TTN: variants seen among roughly 807,000 people sequenced by gnomAD.
The protein encoded by TTN is titin, also known as connectin.
A neutral mutation model predicts 3,223.0 loss-of-function variants in TTN; 1,525 were observed. The ratio of observed to expected loss-of-function variants is 0.47; its 90% confidence interval spans 0.45 to 0.49. The LOEUF is 0.49. Ranked by LOEUF, TTN falls within the 20% of genes least tolerant of loss-of-function variation. TTN has a pLI of 0.00. For missense variants in TTN, 40,786 were observed against 43,424.0 expected, an observed-to-expected ratio of 0.94 and a Z score of 5.40; for synonymous variants, 14,094 against 15,161.0, an observed-to-expected ratio of 0.93 and a Z score of 5.17.
rs748278337 is a variant in TTN at position 178,605,263 on chromosome 2, G to T, written c.53914C>A (p.Arg17972=). ...GCCTTAACTTTGATAGTGTCTCCTCGAACACTCAGACGCAACTTAATAGTT... is the reference window on the plus strand; with the variant it reads ...GCCTTAACTTTGATAGTGTCTCCTCTAACACTCAGACGCAACTTAATAGTT... ...PPTIKLRLSV[R]GDTIKVKAGE... is the part of the protein sequence containing the mutation. Residue 17972 remains arginine (R), a synonymous_variant, in exon 280 of 363, where the codon CGA becomes AGA. Transcript: ENST00000589042. The T allele has an allele frequency of 1.2e-6, 2 of 1,600,022 alleles. No individual in the cohort carries two copies. Among genetic ancestry groups the T allele is most frequent in the Non-Finnish European group, 1.7e-6 (2 of 1,173,280 alleles).
chr2:178,621,760 C>T lies in TTN; in HGVS notation c.45083-19G>A. The T allele has an allele frequency of 6.2e-7, 1 of 1,608,050 alleles. No homozygotes were observed. The highest frequency in any genetic ancestry group is 8.5e-7 in the Non-Finnish European group (1 of 1,177,798). ...TCTTCTTCTGCAAGCATTGAAAAAACAAAAACCACATTGAGTTAAGCTGGA... is the reference window on the plus strand; with the variant it reads ...TCTTCTTCTGCAAGCATTGAAAAAATAAAAACCACATTGAGTTAAGCTGGA... On this transcript the variant is annotated intron_variant, in intron 244 of 362. Transcript: ENST00000589042.
rs1299099653 is a variant in TTN at position 178,720,647 on chromosome 2, G to C, written c.23115C>G (p.Thr7705=). The part of the protein sequence containing the change: ...ALTVKAPPVF[T]QKPSPVGALK... The stretch of plus-strand genomic sequence containing the variant: ...GAGCTCCTACTGGAGAAGGCTTCTG[G>C]GTGAAAACAGGAGGTGCTACCAGAA... Residue 7705 remains threonine (T), a synonymous_variant, in exon 80 of 363, where the codon ACC becomes ACG. Transcript: ENST00000589042. The C allele has an allele frequency of 1.3e-6, 2 of 1,591,508 alleles. No homozygotes were observed. The highest frequency in any genetic ancestry group is 2.2e-5 in the East Asian group (1 of 44,626).
At chr2:178,697,707 A>G (rs747466596) in intron 112 of TTN, among the ~76,000 whole-genome samples, 2 of 152,160 alleles carry the variant, frequency 1.3e-5, no homozygotes, top group Non-Finnish European at 2.9e-5. Flanking sequence ...AGTTAAAACT[A>G]TTTGTTTAAA....
In TTN at chr2:178,696,081, C is replaced by T; in HGVS notation, c.30991G>A (p.Glu10331Lys). The T allele has an allele frequency of 6.4e-7, 1 of 1,551,232 alleles. No homozygotes were observed. The highest frequency in any genetic ancestry group is 8.7e-7 in the Non-Finnish European group (1 of 1,146,710). ...TCATAATAAGGTTGTTCAAATGGCT[C>T]TGTGTATGGTTCTACCTCCAGTTCG... ...YDELEVEPYT[E>K]PFEQPYYEEP... Residue 10331 changes from glutamate to lysine, a missense_variant, in exon 114 of 363, where the codon GAG becomes AAG. By Grantham distance (56) the Glu-to-Lys change is moderately conservative (BLOSUM62 1). Transcript: ENST00000589042.
intron 34 of TTN, 51 bp from the exon 35 acceptor site, chr2:178,770,726 G>A (rs1290055005): frequency 6.9e-6 from 11 of 1,591,048 alleles, no homozygotes; most frequent in Non-Finnish European, 9.4e-6. Context: ...CATCATCAAG[G>A]AAAAGAAGTC....
At position 178,694,672 on chromosome 2, in the gene TTN, A is replaced by T. The variant is rs1176651732; in HGVS notation, c.31353T>A (p.Pro10451=). Residue 10451 remains proline, a synonymous_variant, in exon 117 of 363, where the codon CCT becomes CCA. Coordinates refer to ENST00000589042, the MANE Select transcript of TTN (RefSeq NM_001267550.2). ...EEEKVQVTKV[P]EVSKKIVPQK... ...GTGGAACAATCTTCTTTGAAACTTCAGGTACTTTAAAAATATGTACAAATA... is the reference window on the plus strand; with the variant it reads ...GTGGAACAATCTTCTTTGAAACTTCTGGTACTTTAAAAATATGTACAAATA... 6.5e-7 allele frequency: 1 copy of T among 1,548,206 alleles called. No homozygotes were observed. Among genetic ancestry groups the T allele is most frequent in the Admixed American group, 2.0e-5 (1 of 50,602 alleles).
Position 178,536,472 on chromosome 2 carries a change from T to A in TTN, c.100275A>T (p.Arg33425Ser). ...TCTCACGCTTCTCAAGGTAGTAATTTCTAATCTTTGCACCTCCATCACTGG... is the reference window on the plus strand; with the variant it reads ...TCTCACGCTTCTCAAGGTAGTAATTACTAATCTTTGCACCTCCATCACTGG... ...PPASDGGAKIRNYYLEKREKK... is the reference protein window; with the variant it reads ...PPASDGGAKISNYYLEKREKK... The change falls in exon 357 of 363, where the codon AGA becomes AGT. Residue 33425 changes from arginine (R) to serine (S), a missense_variant. Transcript: ENST00000589042. The A allele has an allele frequency of 6.3e-7, 1 of 1,594,878 alleles. No individual in the cohort carries two copies. The highest frequency in any genetic ancestry group is 8.5e-7 in the Non-Finnish European group (1 of 1,169,770).
chr2:178,798,381 T>G (rs1040555133), intron 6 of TTN: 1 of 152,164 alleles, frequency 6.6e-6, no homozygotes, highest in African/African-American at 2.4e-5. Context: ...AATTTACACT[T>G]GATTATATAA....
rs749273430 is a variant in TTN, at chr2:178,562,220, G to A, written c.83912C>T (p.Thr27971Ile). 9 of 1,612,508 alleles carry A rather than the reference G, an allele frequency of 5.6e-6. No individual in the cohort carries two copies. The highest frequency in any genetic ancestry group is 2.2e-5 in the East Asian group (1 of 44,750). ...TTGTTCTCTAGCCTTTACATTGAAA[G>A]TATGGAAAGGAAGCTCAACTGAAGG... ...IKPSVELPFH[T>I]FNVKAREQLK... The change falls in exon 326 of 363, where the codon ACT becomes ATT. Residue 27971 changes from threonine to isoleucine, a missense_variant. Coordinates refer to ENST00000589042, the MANE Select transcript of TTN (RefSeq NM_001267550.2).
chr2:178,785,408 A>G (rs569968797), intron 15 of TTN, among the ~76,000 whole-genome samples: 3 of 152,248 alleles, frequency 2.0e-5, no homozygotes, highest in Non-Finnish European at 4.4e-5. Context: ...CAGAGGTATA[A>G]GATAACCACT....
rs765302250 is a variant in TTN, at chr2:178,533,213, C to G, written c.103402G>C (p.Glu34468Gln). Reference sequence around the variant, plus strand: ...TGTTTTTGTACGTGTCGCTCATGCTCCTCCTTACTCTTGAATTCCTGTTTC... The same window carrying G: ...TGTTTTTGTACGTGTCGCTCATGCTGCTCCTTACTCTTGAATTCCTGTTTC... ...YKKQEFKSKEEHERHVQKQID... is the reference protein window; with the variant it reads ...YKKQEFKSKEQHERHVQKQID... The change falls in exon 358 of 363, where the codon GAG (glutamate) becomes CAG (glutamine). Residue 34468 changes from glutamate (E) to glutamine (Q), a missense_variant. By Grantham distance (29) the Glu-to-Gln change is conservative (BLOSUM62 2). Transcript: ENST00000589042. 1.2e-6 allele frequency: 2 copies of G among 1,613,930 alleles called. No homozygotes were observed. The highest frequency in any genetic ancestry group is 2.2e-5 in the East Asian group (1 of 44,868).
At chr2:178,713,394 A>AAAACG (rs1377094326) in intron 92 of TTN, 22 bp from the exon 93 acceptor site, 1 of 1,469,646 alleles carries the variant, frequency 6.8e-7, no homozygotes, top group Non-Finnish European at 9.0e-7. Flanking sequence ...AAAACAAAAC[A>AAAACG]AAACAAAACA....
chr2:178,686,222 G>A, intron 127 of TTN, among the ~76,000 whole-genome samples: 1 of 134,020 alleles, frequency 7.5e-6, no homozygotes, highest in East Asian at 2.4e-4. Context: ...CCGGGTTCAC[G>A]CCATTCTCCT....
At chr2:178,555,365 T>G in intron 330 of TTN, 1 of 525,214 alleles carries the variant, frequency 1.9e-6, no homozygotes, top group Non-Finnish European at 3.3e-6. Flanking sequence ...GTGCAGGGAC[T>G]TAAGCACCTT....
chr2:178,545,992 G>A lies in TTN; in HGVS notation c.95244C>T (p.Arg31748=), dbSNP rs368243641. The A allele has an allele frequency of 1.7e-4, 280 of 1,613,746 alleles. 1 individual carries two copies. The African/African-American group carries it at 2.6e-3, about 15-fold the overall frequency. The change falls in exon 343 of 363, where the codon CGC becomes CGT. Residue 31748 remains arginine (R), a synonymous_variant. Transcript: ENST00000589042. ...AEITHYIVER[R]ETSRLNWVIV... is the part of the protein sequence containing the mutation. ...TCACCCAGTTGAGCCTGCTAGTCTC[G>A]CGTCTTTCCACGATGTAGTGAGTGA...
At chr2:178,550,429 A>G in intron 336 of TTN, 156 bp from the exon 337 acceptor site, 1 of 618,518 alleles carries the variant, frequency 1.6e-6, no homozygotes. Flanking sequence ...GATAATTGAG[A>G]ATTTGGACTA....
chr2:178,645,688 C>T (rs948466346), intron 217 of TTN: 8 of 328,784 alleles, frequency 2.4e-5, no homozygotes, highest in Non-Finnish European at 2.8e-5. Context: ...ATTCAGATAT[C>T]CCGGATGACG....
rs764372729 is a variant in TTN at position 178,663,868 on chromosome 2, C to G, written c.36399G>C (p.Glu12133Asp). ...PEASKEVIRE[E>D]KVPLAPPKEP... The stretch of plus-strand genomic sequence containing the variant: ...CTTTAGGAGGAGCCAAGGGCACTTT[C>G]TCTTCGCGGATAACCTCTTTGGAAG... Residue 12133 changes from glutamate to aspartate, a missense_variant, in exon 170 of 363, where the codon GAG becomes GAC. By Grantham distance (45) the Glu-to-Asp change is conservative. Transcript: ENST00000589042. The G allele has an allele frequency of 2.8e-5, 45 of 1,613,288 alleles. No individual in the cohort carries two copies. The highest frequency in any genetic ancestry group is 3.3e-5 in the Non-Finnish European group (39 of 1,179,820).
chr2:178,784,364 A>C lies in TTN; in HGVS notation c.2494-13T>G, dbSNP rs1044682736. On this transcript the variant is annotated splice_polypyrimidine_tract_variant and intron_variant, in intron 15 of 362. Coordinates refer to ENST00000589042, the MANE Select transcript of TTN (RefSeq NM_001267550.2). ...CGGCTATTGATGCCTACATGGAAAC[A>C]GAGTCAGAAAATAAAGTCATTTAAC... 1 of 1,613,782 alleles carries C rather than the reference A, an allele frequency of 6.2e-7. No homozygotes were observed. Among genetic ancestry groups the C allele is most frequent in the Non-Finnish European group, 8.5e-7 (1 of 1,179,982 alleles).
Sources: allele counts gnomAD v4.1 joint callset (sites outside exome capture counted in the v4.1 genomes callset), GRCh38; gene constraint gnomAD v4.1.1; transcripts MANE v1.5; gene names NCBI Gene and HGNC (gene_info 2026-07-23, HGNC 2026-07-21).